The following PRC1 variants were observed in gnomAD, a reference collection of about 807,000 sequenced individuals.
PRC1 encodes the protein protein regulator of cytokinesis 1.
Under a neutral mutation model 91.2 loss-of-function variants are expected in PRC1, and 54 were observed. The observed-to-expected ratio is 0.59, with a 90% confidence interval of 0.48 to 0.74. The LOEUF is 0.74. PRC1 is among the 30% of genes least tolerant of loss of function. The pLI is 0.00. For synonymous variants in PRC1, 275 were observed against 263.6 expected (o/e 1.04, Z -0.42); for missense variants, 727 against 746.2 (o/e 0.97, Z 0.30).
At chr15:90,970,311 G>T in intron 12 of PRC1, 93 bp downstream of exon 12, 1 of 924,586 alleles carries the variant, frequency 1.1e-6, no homozygotes, top group Non-Finnish European at 1.7e-6. Context: ...ACCAAATCCA[G>T]GGATCTTAGA....
At chr15:90,983,462 C>T (rs2039359100) in intron 3 of PRC1, among the ~76,000 whole-genome samples, 1 of 152,190 alleles carries the variant, frequency 6.6e-6, no homozygotes, top group Non-Finnish European at 1.5e-5. Flanking sequence ...CAGTGGACCA[C>T]AATATAGCCA....
At chr15:90,973,759 T>C (rs965211688) in intron 11 of PRC1, among the ~76,000 whole-genome samples, 1 of 152,148 alleles carries the variant, frequency 6.6e-6, no homozygotes, top group Admixed American at 6.5e-5. Context: ...TACGTGCACA[T>C]CTAGGCACAG....
At position 90,969,677 on chromosome 15, in the gene PRC1, G is replaced by A. The variant is rs549432706; in HGVS notation, c.1573-54C>T. 3.5e-4 allele frequency: 530 copies of A among 1,502,458 alleles called. 1 individual carries two copies. In the African/African-American group the frequency reaches 6.0e-3, roughly 17 times the overall value. The allele number at this position is 1,502,458 out of a possible 1,614,324, so 93.1% of individuals were successfully genotyped here. On this transcript the variant is annotated intron_variant, in intron 12 of 14. Transcript: ENST00000394249. Reference sequence around the variant, plus strand: ...TCATCCTTCTAATGAACGTGCACACGCACACACAATACCTGCACTGGTCAA... The same window carrying A: ...TCATCCTTCTAATGAACGTGCACACACACACACAATACCTGCACTGGTCAA...
chr15:90,990,391 ATTT>A (rs200166312), intron 1 of PRC1, among the ~76,000 whole-genome samples: 18,206 of 141,792 alleles, frequency 0.13, 2,269 homozygotes, highest in African/African-American at 0.34. Flanking sequence ...TAAATAAATA[ATTT>A]TTTTTTTTTT....
rs777558725 is a variant in PRC1, at chr15:90,977,576, G to GTTTTTT, written c.1108-811_1108-806dup. 3.1e-4 allele frequency among the ~76,000 whole-genome samples: 30 copies of GTTTTTT among 95,480 alleles called. 1 individual carries two copies. Among genetic ancestry groups the GTTTTTT allele is most frequent in the Middle Eastern group, 7.0e-3 (1 of 142 alleles). The allele number at this position is 95,480 out of a possible 152,430, so 62.6% of individuals were successfully genotyped here. The stretch of plus-strand genomic sequence containing the variant: ...GTTGCTGCCTTAGCTCCTTATTTAC[G>GTTTTTT]TTTTTTTTTTTTTTTTTTTTTTTCT... On this transcript the variant is annotated intron_variant, in intron 8 of 14. Coordinates refer to ENST00000394249, the MANE Select transcript of PRC1 (RefSeq NM_003981.4).
intron 8 of PRC1, among the ~76,000 whole-genome samples, chr15:90,978,534 C>G (rs917756981): frequency 6.6e-6 from 1 of 152,042 alleles, no homozygotes; most frequent in Non-Finnish European, 1.5e-5. Context: ...GGCAGATCAG[C>G]TGAAGTCAGG....
Position 90,994,516 on chromosome 15 carries a change from T to C in PRC1, c.-99A>G. On this transcript the variant is annotated 5_prime_UTR_variant, in exon 1 of 15. Coordinates refer to ENST00000394249, the MANE Select transcript of PRC1 (RefSeq NM_003981.4). ...CAAACACCGGCGATGTCACTCCGCGTAGCCGCTCCGCGAGCCGTTGAGCCC... is the reference window on the plus strand; with the variant it reads ...CAAACACCGGCGATGTCACTCCGCGCAGCCGCTCCGCGAGCCGTTGAGCCC... 7.0e-7 allele frequency: 1 copy of C among 1,422,764 alleles called. No individual in the cohort carries two copies. The highest frequency in any genetic ancestry group is 9.3e-7 in the Non-Finnish European group (1 of 1,071,554). 88.1% of individuals were successfully genotyped at this position (1,422,764 alleles called of 1,614,324 possible).
chr15:90,984,180 A>C lies in PRC1; in HGVS notation c.145-40T>G. The C allele has an allele frequency of 1.2e-6, 2 of 1,605,088 alleles. No homozygotes were observed. Among genetic ancestry groups the C allele is most frequent in the Non-Finnish European group, 1.7e-6 (2 of 1,175,270 alleles). Reference sequence around the variant, plus strand: ...ACAGTCCATAAGTTTGGGGCAATGGAGGAAAAAAACTCCCAACACCAATAC... The same window carrying C: ...ACAGTCCATAAGTTTGGGGCAATGGCGGAAAAAAACTCCCAACACCAATAC... On this transcript the variant is annotated intron_variant, in intron 2 of 14. Transcript: ENST00000394249. This position sits in a 1 kb window ranked among gnomAD's most constrained non-coding sequence, Gnocchi z 5.1.
chr15:90,968,031 T>C, intron 14 of PRC1: 1 of 985,154 alleles, frequency 1.0e-6, no homozygotes. Flanking sequence ...TGAATGGCTA[T>C]TGAGAAAGAC....
intron 14 of PRC1, chr15:90,968,738 T>G (rs1252409323): frequency 1.7e-6 from 2 of 1,149,402 alleles, no homozygotes; most frequent in Admixed American, 3.9e-5. Flanking sequence ...AGCACACAGC[T>G]GGGGCTCCCT....
intron 9 of PRC1, among the ~76,000 whole-genome samples, chr15:90,975,616 C>T (rs2038613089): frequency 2.0e-5 from 3 of 152,042 alleles, no homozygotes; most frequent in Admixed American, 2.0e-4. Context: ...AATTGTGTTT[C>T]CCCCAAATTC....
At chr15:90,977,576 GTTTTTTTTT>G (rs777558725) in intron 8 of PRC1, among the ~76,000 whole-genome samples, 1 of 95,478 alleles carries the variant, frequency 1.0e-5, no homozygotes, top group African/African-American at 4.4e-5. Flanking sequence ...CCTTATTTAC[GTTTTTTTTT>G]TTTTTTTTTT....
At chr15:90,968,339 C>T in intron 14 of PRC1, 1 of 985,536 alleles carries the variant, frequency 1.0e-6, no homozygotes, top group Non-Finnish European at 1.2e-6. Flanking sequence ...CTAGCTGCAG[C>T]CTTGGCCAAC....
intron 1 of PRC1, among the ~76,000 whole-genome samples, chr15:90,990,241 CA>C (rs1018014672): frequency 5.9e-5 from 9 of 151,748 alleles, no homozygotes; most frequent in African/African-American, 1.5e-4. Flanking sequence ...GAGGCTGAGG[CA>C]GGAGAATTGC....
intron 8 of PRC1, among the ~76,000 whole-genome samples, chr15:90,977,035 CAGG>C (rs1327143039): frequency 1.4e-5 from 2 of 145,384 alleles, no homozygotes; most frequent in African/African-American, 5.1e-5. Context: ...GAGGCTGAGA[CAGG>C]AGAATCACTT....
chr15:90,968,384 G>C, intron 14 of PRC1: 1 of 985,532 alleles, frequency 1.0e-6, no homozygotes, highest in Non-Finnish European at 1.2e-6. Flanking sequence ...AATTAAGAGG[G>C]GAGGCAGGCT....
intron 1 of PRC1, among the ~76,000 whole-genome samples, chr15:90,989,155 T>A (rs2039791053): frequency 6.6e-6 from 1 of 152,210 alleles, no homozygotes. Context: ...GCAAAAAGTA[T>A]TGGTGAGAAT....
intron 11 of PRC1, among the ~76,000 whole-genome samples, chr15:90,970,716 A>G (rs2151435109): frequency 1.3e-5 from 2 of 152,374 alleles, no homozygotes; most frequent in Middle Eastern, 6.8e-3. Flanking sequence ...GCTATCCAGC[A>G]AATGGAAGTG....
chr15:90,992,296 A>G (rs1362659085), intron 1 of PRC1, among the ~76,000 whole-genome samples: 1 of 152,236 alleles, frequency 6.6e-6, no homozygotes, highest in African/African-American at 2.4e-5. Context: ...TTTTGCTATT[A>G]GAATATAAAC....
Sources: gnomAD v4.1 joint callset for allele counts (sites outside exome capture counted in the v4.1 genomes callset) on GRCh38, gnomAD v4.1.1 for gene constraint, Gnocchi (gnomAD v3.1) non-coding constraint, MANE v1.5 for transcripts, NCBI Gene and HGNC (gene_info 2026-07-23, HGNC 2026-07-21) for gene names.